SIGLEC10: variants seen among roughly 807,000 people sequenced by gnomAD.
SIGLEC10 encodes sialic acid-binding Ig-like lectin 10.
Under a neutral mutation model 68.3 loss-of-function variants are expected in SIGLEC10, and 45 were observed. The observed-to-expected ratio is 0.66, with a 90% CI of 0.52 to 0.84. The LOEUF is 0.84. SIGLEC10 is among the 40% of genes least tolerant of loss of function. The pLI is 0.00. For synonymous variants in SIGLEC10, 379 were observed against 370.8 expected (o/e 1.02, Z -0.26); for missense variants, 789 against 883.1 (o/e 0.89, Z 1.35).
intron 3 of SIGLEC10, 41 bp downstream of exon 3, chr19:51,416,625 C>T (rs373611666): frequency 2.0e-5 from 32 of 1,611,212 alleles, no homozygotes; most frequent in African/African-American, 6.7e-5. Context: ...CCCCACCCAC[C>T]GGGGCTGTCT....
Position 51,412,907 on chromosome 19 carries a change from A to G in SIGLEC10, c.1821+805T>C, listed in dbSNP as rs549036971. Among the ~76,000 whole-genome samples, 3 of 152,182 alleles carry G rather than the reference A, an allele frequency of 2.0e-5. No homozygotes were observed. The South Asian group carries it at 6.2e-4, about 32-fold the overall frequency. On this transcript the variant is annotated intron_variant, in intron 10 of 10. Transcript: ENST00000339313. Reference sequence around the variant, plus strand: ...CTCAGCCTCCCAAGTAGCTGGGACAATGGGCATGCACCACCACACCCGGCT... The same window carrying G: ...CTCAGCCTCCCAAGTAGCTGGGACAGTGGGCATGCACCACCACACCCGGCT...
At position 51,415,822 on chromosome 19, in the gene SIGLEC10, C is replaced by T. The variant is rs1988563336; in HGVS notation, c.1024+76G>A. On this transcript the variant is annotated intron_variant, in intron 5 of 10. Transcript: ENST00000339313. ...GGCCTGGGGCTCCAGGCCCCCTCAG[C>T]TCTGGGACCCTGAGCCCAGCCCCTG... The T allele has an allele frequency of 1.9e-6, 3 of 1,600,330 alleles. No homozygotes were observed. The South Asian group carries it at 3.3e-5, about 18-fold the overall frequency.
rs751267474 is a variant in SIGLEC10, at chr19:51,415,622, T to C, written c.1025-7A>G. On this transcript the variant is annotated splice_polypyrimidine_tract_variant and splice_region_variant and intron_variant, in intron 5 of 10. Transcript: ENST00000339313. ...CTCAGGTTCTCTGGAGGATCTGAAATGGAGACAGGGGACCGGCTCTAGACG... is the reference window on the plus strand; with the variant it reads ...CTCAGGTTCTCTGGAGGATCTGAAACGGAGACAGGGGACCGGCTCTAGACG... 1 of 1,613,838 alleles carries C rather than the reference T, an allele frequency of 6.2e-7. No individual in the cohort carries two copies. Among genetic ancestry groups the C allele is most frequent in the Non-Finnish European group, 8.5e-7 (1 of 1,179,824 alleles).
rs1363036369 is a variant in SIGLEC10 at position 51,415,329 on chromosome 19, C to T, written c.1182G>A (p.Gln394=). Residue 394 remains glutamine, a synonymous_variant, in exon 7 of 11, where the codon CAG becomes CAA. Coordinates refer to ENST00000339313, the MANE Select transcript of SIGLEC10 (RefSeq NM_033130.5). Reference sequence around the variant, plus strand: ...GGGAGGGGCTCAGAACCTGTCCCCTCTGGGTCCAGCTCAGCCTGGCTGGGG... The same window carrying T: ...GGGAGGGGCTCAGAACCTGTCCCCTTTGGGTCCAGCTCAGCCTGGCTGGGG... ...SSPPARLSWT[Q]RGQVLSPSQP... is the part of the protein sequence containing the mutation. The T allele has an allele frequency of 1.9e-6, 3 of 1,613,746 alleles. No homozygotes were observed. Among genetic ancestry groups the T allele is most frequent in the East Asian group, 2.2e-5 (1 of 44,852 alleles).
In SIGLEC10 at chr19:51,415,245, C is replaced by T. The variant is rs1258943691; in HGVS notation, c.1266G>A (p.Glu422=). 1.2e-6 allele frequency: 2 copies of T among 1,613,924 alleles called. No individual in the cohort carries two copies. The highest frequency in any genetic ancestry group is 2.2e-5 in the East Asian group (1 of 44,884). ...LPRVQVEHEG[E]FTCHARHPLG... is the part of the protein sequence containing the mutation. ...GTGGGTGCCGAGCGTGGCAGGTGAACTCTCCTTCGTGCTCCACTTGAACCC... is the reference window on the plus strand; with the variant it reads ...GTGGGTGCCGAGCGTGGCAGGTGAATTCTCCTTCGTGCTCCACTTGAACCC... Residue 422 remains glutamate (E), a synonymous_variant, in exon 7 of 11, where the codon GAG becomes GAA. Coordinates refer to ENST00000339313, the MANE Select transcript of SIGLEC10 (RefSeq NM_033130.5).
intron 3 of SIGLEC10, 27 bp from the exon 4 acceptor site, chr19:51,416,384 A>C (rs763718283): frequency 3.7e-6 from 6 of 1,614,024 alleles, no homozygotes; most frequent in Admixed American, 1.7e-5. Context: ...AGCTGGCTTC[A>C]GGGAGGGACA....
rs2123710781 is a variant in SIGLEC10 at position 51,411,113 on chromosome 19, C to T, written c.2080G>A (p.Val694Ile). The change falls in exon 11 of 11, where the codon GTC (valine) becomes ATC (isoleucine). Residue 694 changes from valine (V) to isoleucine (I), a missense_variant. Val to Ile is a conservative substitution (Grantham distance 29). Coordinates refer to ENST00000339313, the MANE Select transcript of SIGLEC10 (RefSeq NM_033130.5). Reference sequence around the variant, plus strand: ...CTAAGAGACCCTCATTGGAACTTGACTTCTGCATAATCCGCCTGGGTGCCC... The same window carrying T: ...CTAAGAGACCCTCATTGGAACTTGATTTCTGCATAATCCGCCTGGGTGCCC... ...PKGTQADYAE[V>I]KFQ 1 of 1,613,866 alleles carries T rather than the reference C, an allele frequency of 6.2e-7. No homozygotes were observed. The highest frequency in any genetic ancestry group is 8.5e-7 in the Non-Finnish European group (1 of 1,179,824).
At chr19:51,417,516 A>T in intron 1 of SIGLEC10, 29 bp downstream of exon 1, 3 of 1,614,212 alleles carry the variant, frequency 1.9e-6, no homozygotes, top group Non-Finnish European at 1.7e-6. Context: ...GCTCCGCCCC[A>T]GGTCCTTTCC....
chr19:51,413,585 G>C, intron 10 of SIGLEC10, 127 bp downstream of exon 10: 1 of 793,992 alleles, frequency 1.3e-6, no homozygotes, highest in Non-Finnish European at 2.1e-6. Flanking sequence ...TGCCAGGCAG[G>C]ATTTGAATTC....
chr19:51,410,978 G>A lies in SIGLEC10; in HGVS notation c.*121C>T, dbSNP rs1349526980. On this transcript the variant is annotated 3_prime_UTR_variant, in exon 11 of 11. Coordinates refer to ENST00000339313, the MANE Select transcript of SIGLEC10 (RefSeq NM_033130.5). ...TGTTTTTTTAAAAGAGAGAGAAAGA[G>A]AGAGAGAGAGAGAAAGAGAGAGAGA... 9 of 1,141,984 alleles carry A rather than the reference G, an allele frequency of 7.9e-6. No homozygotes were observed. Among genetic ancestry groups the A allele is most frequent in the Non-Finnish European group, 9.9e-6 (8 of 806,894 alleles). 70.7% of individuals were successfully genotyped at this position (1,141,984 alleles called of 1,614,324 possible).
intron 6 of SIGLEC10, 63 bp downstream of exon 6, chr19:51,415,505 T>A: frequency 6.2e-7 from 1 of 1,614,020 alleles, no homozygotes; most frequent in South Asian, 1.1e-5. Context: ...GTGGGGACCC[T>A]CCAGACTCCT....
chr19:51,410,997 A>G lies in SIGLEC10; in HGVS notation c.*102T>C. On this transcript the variant is annotated 3_prime_UTR_variant, in exon 11 of 11. Coordinates refer to ENST00000339313, the MANE Select transcript of SIGLEC10 (RefSeq NM_033130.5). ...GAAAGAGAGAGAGAGAGAGAAAGAG[A>G]GAGAGAGAGGGAGAGAAGGAAACTT... 1 of 1,343,860 alleles carries G rather than the reference A, an allele frequency of 7.4e-7. No individual in the cohort carries two copies. Among genetic ancestry groups the G allele is most frequent in the Non-Finnish European group, 1.0e-6 (1 of 981,394 alleles). 83.2% of individuals were successfully genotyped at this position (1,343,860 alleles called of 1,614,324 possible). A position where few individuals can be genotyped will look rare whatever the true frequency, so the allele number is the denominator to read the frequency against.
chr19:51,413,710 A>T lies in SIGLEC10; in HGVS notation c.1821+2T>A, dbSNP rs779930130. 4.3e-6 allele frequency: 7 copies of T among 1,613,412 alleles called. No homozygotes were observed. The highest frequency in any genetic ancestry group is 1.7e-5 in the Admixed American group (1 of 59,988). ...AAGTGGAAGCATGGCCCAGACACTC[A>T]CCAGGGGGCCAGCCGTCGGGACCAC... On this transcript the variant is annotated splice_donor_variant, in intron 10 of 10. Coordinates refer to ENST00000339313, the MANE Select transcript of SIGLEC10 (RefSeq NM_033130.5). LOFTEE classifies it high-confidence loss of function.
At chr19:51,415,649 A>T (rs761801831) in intron 5 of SIGLEC10, 34 bp from the exon 6 acceptor site, 36 of 1,613,680 alleles carry the variant, frequency 2.2e-5, no homozygotes, top group Admixed American at 8.3e-5. Flanking sequence ...CTCTAGACGG[A>T]CCAGGGGCTT....
chr19:51,417,116 A>C lies in SIGLEC10; in HGVS notation c.387T>G (p.Asn129Lys), dbSNP rs2123784381. Reference sequence around the variant, plus strand: ...TTAGAAAGAACCCATCGTTCATGAAATTATATCTCACATAGCTTCCTCTCT... The same window carrying C: ...TTAGAAAGAACCCATCGTTCATGAACTTATATCTCACATAGCTTCCTCTCT... ...RVERGSYVRY[N>K]FMNDGFFLKV... Residue 129 changes from asparagine to lysine, a missense_variant, in exon 2 of 11, where the codon AAT becomes AAG. Asn to Lys is a moderately conservative substitution (Grantham distance 94). Coordinates refer to ENST00000339313, the MANE Select transcript of SIGLEC10 (RefSeq NM_033130.5). The C allele has an allele frequency of 6.2e-7, 1 of 1,614,184 alleles. No individual in the cohort carries two copies. The highest frequency in any genetic ancestry group is 8.5e-7 in the Non-Finnish European group (1 of 1,180,022).
chr19:51,417,444 C>T lies in SIGLEC10; in HGVS notation c.59G>A (p.Arg20Lys). 6.2e-7 allele frequency: 1 copy of T among 1,613,800 alleles called. No homozygotes were observed. Among genetic ancestry groups the T allele is most frequent in the Non-Finnish European group, 8.5e-7 (1 of 1,179,722 alleles). The change falls in exon 2 of 11, where the codon AGA becomes AAA. Residue 20 changes from arginine (R) to lysine (K), a missense_variant. By Grantham distance (26) the Arg-to-Lys change is conservative (BLOSUM62 2). Transcript: ENST00000339313. Reference sequence around the variant, plus strand: ...TGACTCCTGCACTCGTATCCAGAATCTCCCATCCATAGCCTGGGACCCTGT... The same window carrying T: ...TGACTCCTGCACTCGTATCCAGAATTTCCCATCCATAGCCTGGGACCCTGT... ...LLGGSQAMDG[R>K]FWIRVQESVM...
In SIGLEC10 at chr19:51,411,210, G is replaced by A; in HGVS notation, c.1983C>T (p.Ser661=). 6.2e-7 allele frequency: 1 copy of A among 1,614,170 alleles called. No homozygotes were observed. The highest frequency in any genetic ancestry group is 8.5e-7 in the Non-Finnish European group (1 of 1,180,032). The stretch of plus-strand genomic sequence containing the variant: ...GCGTGGCATAATGGAGCTCCTCTTG[G>A]CTCTCCTGGGATTCTGGGGCTTGAG... The part of the protein sequence containing the change: ...SSTQAPESQE[S]QEELHYATLN... The change falls in exon 11 of 11, where the codon AGC becomes AGT. Residue 661 remains serine, a synonymous_variant. Coordinates refer to ENST00000339313, the MANE Select transcript of SIGLEC10 (RefSeq NM_033130.5).
chr19:51,414,554 C>G lies in SIGLEC10; in HGVS notation c.1616-39G>C. 4 of 1,594,252 alleles carry G rather than the reference C, an allele frequency of 2.5e-6. No homozygotes were observed. The highest frequency in any genetic ancestry group is 2.6e-6 in the Non-Finnish European group (3 of 1,164,184). On this transcript the variant is annotated intron_variant, in intron 8 of 10. Transcript: ENST00000339313. The surrounding 1 kb of genome is among the most constrained non-coding windows in gnomAD (Gnocchi z 4.1). ...GGGCAAGGTGAGCATTTCCCATCCA[C>G]GCAGGGCTCACGAAGCCCGCTCATC...
In SIGLEC10 at chr19:51,414,502, G is replaced by A. The variant is rs575824875; in HGVS notation, c.1629C>T (p.Leu543=). The A allele has an allele frequency of 6.2e-7, 1 of 1,613,808 alleles. No individual in the cohort carries two copies. The highest frequency in any genetic ancestry group is 1.3e-5 in the African/African-American group (1 of 75,000). ...CTCCGTTGGAGAATGCCGTTGAGAT[G>A]AGTCCCTTCTTATCTGCACACGGAG... The part of the protein sequence containing the change: ...SILQLPDKKG[L]ISTAFSNGAF... The change falls in exon 9 of 11, where the codon CTC becomes CTT. Residue 543 remains leucine, a synonymous_variant. Transcript: ENST00000339313. The surrounding 1 kb of genome is among the most constrained non-coding windows in gnomAD (Gnocchi z 4.1).
Sources: gnomAD v4.1 joint callset for allele counts (sites outside exome capture counted in the v4.1 genomes callset) on GRCh38, gnomAD v4.1.1 for gene constraint, Gnocchi (gnomAD v3.1) non-coding constraint, MANE v1.5 for transcripts, NCBI Gene and HGNC (gene_info 2026-07-23, HGNC 2026-07-21) for gene names.